MYO5B: variants seen among roughly 807,000 people sequenced by gnomAD.
MYO5B encodes myosin VB.
Under a neutral mutation model 229.3 loss-of-function variants are expected in MYO5B, and 143 were observed. The observed-to-expected ratio is 0.62, with a 90% CI of 0.54 to 0.72. MYO5B has a LOEUF of 0.72. MYO5B is among the 30% of genes least tolerant of loss of function. The pLI, the probability that MYO5B is intolerant of heterozygous loss-of-function variation, is 0.00. For synonymous variants in MYO5B, 918 were observed against 885.2 expected (o/e 1.04, Z -0.66); for missense variants, 2,321 against 2,331.0 (o/e 1.00, Z 0.09).
At chr18:50,055,189 C>T in intron 2 of MYO5B, 79 bp downstream of exon 2, 1 of 972,946 alleles carries the variant, frequency 1.0e-6, no homozygotes, top group Non-Finnish European at 1.6e-6. Flanking sequence ...CCACAATGTA[C>T]TATCTACTCC....
intron 4 of MYO5B, among the ~76,000 whole-genome samples, chr18:50,036,435 CAA>C (rs1272514220): frequency 6.6e-6 from 1 of 152,156 alleles, no homozygotes; most frequent in African/African-American, 2.4e-5. Flanking sequence ...AAGAAGTTGT[CAA>C]AGAGTCCTGG....
rs191130050 is a variant in MYO5B at position 50,165,965 on chromosome 18, C to T, written c.27+28802G>A. Among the ~76,000 whole-genome samples the T allele has an allele frequency of 4.4e-3, 673 of 152,314 alleles. 3 individuals are homozygous for T. The highest frequency in any genetic ancestry group is 0.014 in the African/African-American group (599 of 41,552). On this transcript the variant is annotated intron_variant, in intron 1 of 39. Coordinates refer to ENST00000285039, the MANE Select transcript of MYO5B (RefSeq NM_001080467.3). ...TTCTAGTTACAAGGCTGTTAGAGGC[C>T]TCTCTTCCACCTCAAGGTTTGGATG... is the stretch of plus-strand genomic sequence containing the variant.
intron 21 of MYO5B, among the ~76,000 whole-genome samples, chr18:49,899,927 A>ATT (rs56854416): frequency 0.087 from 13,166 of 151,042 alleles, 609 homozygotes; most frequent in South Asian, 0.16. Context: ...AGCTTTTTTT[A>ATT]TTTTTTTTTT....
intron 4 of MYO5B, among the ~76,000 whole-genome samples, chr18:50,016,841 C>G (rs2026221009): frequency 6.6e-6 from 1 of 151,200 alleles, no homozygotes; most frequent in Non-Finnish European, 1.5e-5. Context: ...CAACCCCCGA[C>G]CCCCAGCTTG....
chr18:49,885,286 C>T (rs1394153127), intron 22 of MYO5B, among the ~76,000 whole-genome samples: 2 of 152,150 alleles, frequency 1.3e-5, no homozygotes, highest in African/African-American at 2.4e-5. Flanking sequence ...CAAAAATGAC[C>T]TCCTCAGGAC....
chr18:50,045,746 G>A (rs80288595), intron 2 of MYO5B, among the ~76,000 whole-genome samples: 3,932 of 152,232 alleles, frequency 0.026, 81 homozygotes, highest in South Asian at 0.046. Context: ...ATAACTACAT[G>A]TAGCTAATGA....
intron 1 of MYO5B, among the ~76,000 whole-genome samples, chr18:50,079,537 C>G (rs902066717): frequency 6.6e-6 from 1 of 152,188 alleles, no homozygotes; most frequent in Non-Finnish European, 1.5e-5. Flanking sequence ...AGAGCCCTTC[C>G]CTCAAACCCT....
Position 49,849,802 on chromosome 18 carries a change from G to T in MYO5B, c.4222-142C>A, listed in dbSNP as rs541238847. On this transcript the variant is annotated intron_variant, in intron 31 of 39. Coordinates refer to ENST00000285039, the MANE Select transcript of MYO5B (RefSeq NM_001080467.3). ...GCGCCAGTCAGGGACGCTGCCAGGA[G>T]AGCTGCTCTTCACAGGCTGTTGCCA... is the stretch of plus-strand genomic sequence containing the variant. 33 of 740,338 alleles carry T rather than the reference G, an allele frequency of 4.5e-5. 1 individual carries two copies. In the South Asian group the frequency reaches 4.6e-4, roughly 10 times the overall value. The allele number at this position is 740,338 out of a possible 1,614,324, so 45.9% of individuals were successfully genotyped here.
intron 4 of MYO5B, among the ~76,000 whole-genome samples, chr18:50,026,084 C>A (rs978710244): frequency 5.9e-5 from 9 of 152,054 alleles, no homozygotes; most frequent in Non-Finnish European, 1.3e-4. Context: ...ACTAGTACAC[C>A]CCAGCAGTTT....
chr18:49,840,333 ACCT>A (rs1295128027), intron 35 of MYO5B: 1 of 152,208 alleles, frequency 6.6e-6, no homozygotes. Flanking sequence ...TATTTCTTTA[ACCT>A]TTGGCCCATC....
At chr18:49,914,333 C>T (rs1378744936) in intron 17 of MYO5B, among the ~76,000 whole-genome samples, 2 of 152,166 alleles carry the variant, frequency 1.3e-5, no homozygotes, top group African/African-American at 4.8e-5. Flanking sequence ...CATAGCACAC[C>T]CTGTGATGGG....
intron 29 of MYO5B, among the ~76,000 whole-genome samples, chr18:49,857,326 A>G (rs905192923): frequency 6.6e-6 from 1 of 152,190 alleles, no homozygotes; most frequent in African/African-American, 2.4e-5. Flanking sequence ...CTGGGAGGAG[A>G]GAACCCTAAG....
chr18:50,176,263 C>T (rs191125770), intron 1 of MYO5B, among the ~76,000 whole-genome samples: 64 of 152,292 alleles, frequency 4.2e-4, no homozygotes, highest in Non-Finnish European at 6.9e-4. Context: ...CTGCCCATGA[C>T]CGTGGTGAGA....
intron 14 of MYO5B, among the ~76,000 whole-genome samples, chr18:49,938,089 A>G (rs1210273478): frequency 6.6e-6 from 1 of 152,200 alleles, no homozygotes; most frequent in East Asian, 1.9e-4. Context: ...GCAGAACTTC[A>G]TTTCCTTGTG....
chr18:50,082,036 A>G (rs1250093915), intron 1 of MYO5B, among the ~76,000 whole-genome samples: 1 of 152,264 alleles, frequency 6.6e-6, no homozygotes, highest in Non-Finnish European at 1.5e-5. Context: ...ATTTATACCC[A>G]TAAAAGTCAG....
intron 9 of MYO5B, among the ~76,000 whole-genome samples, chr18:49,976,115 GA>G (rs1250404246): frequency 1.3e-5 from 2 of 152,202 alleles, no homozygotes; most frequent in African/African-American, 2.4e-5. Flanking sequence ...AAGCCTGCTG[GA>G]AAGCTTATTA....
chr18:49,954,022 A>ATG (rs1265216409), intron 13 of MYO5B, among the ~76,000 whole-genome samples: 109 of 129,902 alleles, frequency 8.4e-4, no homozygotes, highest in African/African-American at 2.3e-3. Context: ...GTATGTATTT[A>ATG]TATGTGTGTG....
intron 27 of MYO5B, among the ~76,000 whole-genome samples, chr18:49,866,658 G>A (rs148134878): frequency 1.2e-4 from 19 of 152,348 alleles, no homozygotes; most frequent in African/African-American, 4.3e-4. Context: ...TGGAGAATAA[G>A]GGAGTCCCAT....
chr18:50,172,606 T>C (rs1391558168), intron 1 of MYO5B, among the ~76,000 whole-genome samples: 1 of 152,186 alleles, frequency 6.6e-6, no homozygotes, highest in African/African-American at 2.4e-5. Context: ...CCCTATAAAG[T>C]GAAACTATGG....
Sources: gnomAD v4.1 joint callset for allele counts (sites outside exome capture counted in the v4.1 genomes callset) on GRCh38, gnomAD v4.1.1 for gene constraint, MANE v1.5 for transcripts, NCBI Gene and HGNC (gene_info 2026-07-23, HGNC 2026-07-21) for gene names.